The following ABL2 variants were observed in gnomAD, a reference collection of about 807,000 sequenced individuals.
ABL2 encodes ABL proto-oncogene 2, non-receptor tyrosine kinase.
Under a neutral mutation model 107.7 loss-of-function variants are expected in ABL2, and 49 were observed. That is an observed-to-expected ratio of 0.45 (90% confidence interval 0.36 to 0.58). ABL2 has a LOEUF of 0.58. Among genes scored for constraint, ABL2 ranks in the 20% least tolerant of loss-of-function variants. The probability of loss-of-function intolerance (pLI) is 0.00; values close to 1 mark genes in which losing one functional copy is unlikely to be tolerated. For missense variants in ABL2, 1,245 were observed against 1,457.0 expected, an observed-to-expected ratio of 0.85 and a Z score of 2.37; for synonymous variants, 549 against 548.6, an observed-to-expected ratio of 1.00 and a Z score of -0.01.
intron 1 of ABL2, among the ~76,000 whole-genome samples, chr1:179,155,564 AT>A (rs1277244357): frequency 6.6e-6 from 1 of 151,994 alleles, no homozygotes; most frequent in African/African-American, 2.4e-5. Context: ...ACCCGTCTCT[AT>A]TAAAAATACA....
chr1:179,219,490 T>C (rs1265348437), intron 1 of ABL2, among the ~76,000 whole-genome samples: 2 of 152,228 alleles, frequency 1.3e-5, no homozygotes, highest in African/African-American at 4.8e-5. Flanking sequence ...AGCAAACAAA[T>C]GGGCCAACTT....
At position 179,228,296 on chromosome 1, in the gene ABL2, G is replaced by A. The variant is rs575608964; in HGVS notation, c.157+945C>T. 5.3e-5 allele frequency among the ~76,000 whole-genome samples: 8 copies of A among 151,788 alleles called. 1 individual carries two copies. In the South Asian group the frequency reaches 1.7e-3, roughly 32 times the overall value. On this transcript the variant is annotated intron_variant, in intron 1 of 11. Transcript: ENST00000502732. Reference sequence around the variant, plus strand: ...CGGGAGGCAGAGATTGCAGTGAGCCGACATCCCGCCATTGCACTCCATCAT... The same window carrying A: ...CGGGAGGCAGAGATTGCAGTGAGCCAACATCCCGCCATTGCACTCCATCAT...
At chr1:179,207,410 T>C (rs534495299) in intron 1 of ABL2, among the ~76,000 whole-genome samples, 7 of 152,282 alleles carry the variant, frequency 4.6e-5, no homozygotes, top group Admixed American at 1.3e-4. Flanking sequence ...CCTGATACAA[T>C]ATACTACCTT....
At chr1:179,120,123 GA>G (rs1392796318) in intron 6 of ABL2, 66 bp downstream of exon 6, 10 of 966,588 alleles carry the variant, frequency 1.0e-5, no homozygotes, top group Non-Finnish European at 1.4e-5. Flanking sequence ...AAAGCATTTG[GA>G]GATAACAAGG....
At chr1:179,155,757 A>G (rs531278781) in intron 1 of ABL2, among the ~76,000 whole-genome samples, 2 of 151,842 alleles carry the variant, frequency 1.3e-5, no homozygotes, top group Admixed American at 6.6e-5. Flanking sequence ...AAAAAATTAT[A>G]CAGCTCATGC....
rs767430549 is a variant in ABL2, at chr1:179,102,269, C to T, written c.*5449G>A. 10 of 180,298 alleles carry T rather than the reference C, an allele frequency of 5.5e-5. No individual in the cohort carries two copies. The South Asian group carries it at 1.6e-3, about 28-fold the overall frequency. 11.2% of individuals were successfully genotyped at this position (180,298 alleles called of 1,614,324 possible). A position where few individuals can be genotyped will look rare whatever the true frequency, so the allele number is the denominator to read the frequency against. On this transcript the variant is annotated 3_prime_UTR_variant, in exon 12 of 12. Coordinates refer to ENST00000502732, the MANE Select transcript of ABL2 (RefSeq NM_007314.4). ...CTCGTGATCCACCCGCCTCAGCCCC[C>T]CAAAGTGCTGGGATTACAGGCGTGA...
Position 179,154,179 on chromosome 1 carries a change from C to G in ABL2, c.158-20805G>C, listed in dbSNP as rs149659989. ...TCATTTATCACATTATGGCCAAAAA[C>G]CAACTGCCCAAAAGTATAAATAATC... On this transcript the variant is annotated intron_variant, in intron 1 of 11. Coordinates refer to ENST00000502732, the MANE Select transcript of ABL2 (RefSeq NM_007314.4). Among the ~76,000 whole-genome samples the G allele has an allele frequency of 2.3e-3, 352 of 152,282 alleles. 4 individuals are homozygous for G. The highest frequency in any genetic ancestry group is 8.2e-3 in the African/African-American group (341 of 41,560).
chr1:179,229,167 T>TGCC, intron 1 of ABL2, 74 bp downstream of exon 1: 32 of 402,558 alleles, frequency 7.9e-5, no homozygotes, highest in Non-Finnish European at 1.1e-4. Flanking sequence ...GGGCAGCCCG[T>TGCC]CCGCCACCCA....
intron 1 of ABL2, among the ~76,000 whole-genome samples, chr1:179,170,249 T>A (rs1431319709): frequency 1.3e-5 from 2 of 152,168 alleles, no homozygotes; most frequent in African/African-American, 2.4e-5. Flanking sequence ...AATCCATTCA[T>A]GAGGGTGGAG....
intron 1 of ABL2, among the ~76,000 whole-genome samples, chr1:179,157,836 C>T (rs919564026): frequency 1.3e-5 from 2 of 151,918 alleles, no homozygotes; most frequent in African/African-American, 4.8e-5. Context: ...TCCCAAAGTG[C>T]TAGGATAACA....
At chr1:179,217,861 A>G (rs1474175628) in intron 1 of ABL2, among the ~76,000 whole-genome samples, 3 of 152,112 alleles carry the variant, frequency 2.0e-5, no homozygotes, top group Non-Finnish European at 4.4e-5. Flanking sequence ...AATACCTAAA[A>G]ATCTTTGTAT....
chr1:179,174,745 G>C (rs1018161236), intron 1 of ABL2, among the ~76,000 whole-genome samples: 7 of 151,150 alleles, frequency 4.6e-5, no homozygotes, highest in Non-Finnish European at 8.8e-5. Flanking sequence ...TCAGGAGTTT[G>C]AGACCTCAAA....
rs1220400335 is a variant in ABL2 at position 179,110,324 on chromosome 1, C to T, written c.1783G>A (p.Ala595Thr). The T allele has an allele frequency of 1.9e-6, 3 of 1,614,188 alleles. No individual in the cohort carries two copies. The South Asian group carries it at 3.3e-5, about 18-fold the overall frequency. ...QVENKENIEG[A>T]QDATENSASS... ...GCAGAATTTTCTGTGGCATCTTGTG[C>T]CCCTTCAATGTTCTCCTTGTTCTCC... The change falls in exon 11 of 12, where the codon GCA (alanine) becomes ACA (threonine). Residue 595 changes from alanine to threonine, a missense_variant. Around this residue, in one of 3 missense-constraint regions of ABL2, gnomAD observed 761 missense variants for 766.4 expected, o/e 0.99. Coordinates refer to ENST00000502732, the MANE Select transcript of ABL2 (RefSeq NM_007314.4).
intron 1 of ABL2, among the ~76,000 whole-genome samples, chr1:179,164,175 A>G (rs1205940756): frequency 6.6e-6 from 1 of 152,188 alleles, no homozygotes; most frequent in Non-Finnish European, 1.5e-5. Context: ...AAACCAACAA[A>G]ATCCATTTTA....
chr1:179,153,562 T>G (rs1658497041), intron 1 of ABL2, among the ~76,000 whole-genome samples: 1 of 152,170 alleles, frequency 6.6e-6, no homozygotes, highest in South Asian at 2.1e-4. Context: ...AGGTTCACAT[T>G]GCCTTCTCCT....
At chr1:179,199,613 C>T (rs1451552424) in intron 1 of ABL2, among the ~76,000 whole-genome samples, 1 of 152,088 alleles carries the variant, frequency 6.6e-6, no homozygotes, top group African/African-American at 2.4e-5. Flanking sequence ...AATTCTCAAA[C>T]CACCCTATGC....
rs867645727 is a variant in ABL2 at position 179,122,296 on chromosome 1, A to T, written c.688-429T>A. Among the ~76,000 whole-genome samples the T allele has an allele frequency of 6.4e-3, 975 of 151,480 alleles. 9 individuals are homozygous for T. Among genetic ancestry groups the T allele is most frequent in the African/African-American group, 0.022 (913 of 41,398 alleles). ...ATCTTTAAAAAAAAAAAAAAAAAAA[A>T]AAATATTCTGCAGACAGGGTCTCAC... On this transcript the variant is annotated intron_variant, in intron 4 of 11. Transcript: ENST00000502732.
intron 3 of ABL2, among the ~76,000 whole-genome samples, chr1:179,129,103 A>G (rs1212317096): frequency 6.6e-6 from 1 of 152,242 alleles, no homozygotes; most frequent in Non-Finnish European, 1.5e-5. Flanking sequence ...TAGCTTTAGT[A>G]TGACATCATT....
chr1:179,157,046 G>T (rs2102743263), intron 1 of ABL2, among the ~76,000 whole-genome samples: 1 of 152,180 alleles, frequency 6.6e-6, no homozygotes, highest in East Asian at 1.9e-4. Flanking sequence ...AAATCATGCA[G>T]CAGCAACAAC....
Sources: gnomAD v4.1 joint callset for allele counts (sites outside exome capture counted in the v4.1 genomes callset) on GRCh38, gnomAD v4.1.1 for gene constraint, gnomAD v4.1.1 regional missense constraint, MANE v1.5 for transcripts, NCBI Gene and HGNC (gene_info 2026-07-23, HGNC 2026-07-21) for gene names.